Variants in RPL3L observed in about 807,000 individuals in gnomAD.
The protein encoded by RPL3L is ribosomal protein uL3-like.
Under a neutral mutation model 44.5 loss-of-function variants are expected in RPL3L, and 44 were observed. The ratio of observed to expected loss-of-function variants is 0.99; its 90% CI spans 0.78 to 1.27. The LOEUF is 1.27. RPL3L is among the 50% of genes most tolerant of loss of function. The pLI is 0.00. For synonymous variants in RPL3L, 292 were observed against 230.7 expected (o/e 1.27, Z -2.41); for missense variants, 631 against 569.1 (o/e 1.11, Z -1.11).
chr16:1,947,517 C>T, intron 4 of RPL3L, 137 bp from the exon 5 acceptor site: 1 of 1,103,674 alleles, frequency 9.1e-7, no homozygotes, highest in South Asian at 1.7e-5. Flanking sequence ...CAGGTTGCAA[C>T]CCATGTGTTG....
Position 1,944,565 on chromosome 16 carries a change from C to A in RPL3L, c.*272G>T. ...TCTCAAAAAAAAAAAAAAAAAAAAC[C>A]TCTGCTCCGCAAATGCTCAAAGAGA... On this transcript the variant is annotated 3_prime_UTR_variant, in exon 10 of 10. Coordinates refer to ENST00000268661, the MANE Select transcript of RPL3L (RefSeq NM_005061.3). 3.5e-6 allele frequency: 1 copy of A among 288,752 alleles called. No individual in the cohort carries two copies. Among genetic ancestry groups the A allele is most frequent in the Non-Finnish European group, 6.6e-6 (1 of 151,956 alleles). 17.9% of individuals were successfully genotyped at this position (288,752 alleles called of 1,614,324 possible).
intron 4 of RPL3L, 52 bp from the exon 5 acceptor site, chr16:1,947,432 C>A (rs779851897): frequency 6.8e-7 from 1 of 1,471,242 alleles, no homozygotes; most frequent in Non-Finnish European, 9.0e-7. Flanking sequence ...CACACCCCCA[C>A]CTGAAACATG....
In RPL3L at chr16:1,944,589, G is replaced by A. The variant is rs1417647991; in HGVS notation, c.*248C>T. ...CCTCTGCTCCGCAAATGCTCAAAGA[G>A]ATCGATTTGAGTAATAATAAAACAT... On this transcript the variant is annotated 3_prime_UTR_variant, in exon 10 of 10. Coordinates refer to ENST00000268661, the MANE Select transcript of RPL3L (RefSeq NM_005061.3). 1.0e-5 allele frequency: 4 copies of A among 395,554 alleles called. No homozygotes were observed. The highest frequency in any genetic ancestry group is 1.9e-5 in the Non-Finnish European group (4 of 215,642). The allele number at this position is 395,554 out of a possible 1,614,324, so 24.5% of individuals were successfully genotyped here. A position where few individuals can be genotyped will look rare whatever the true frequency, so the allele number is the denominator to read the frequency against.
intron 4 of RPL3L, among the ~76,000 whole-genome samples, chr16:1,949,167 C>T (rs941172396): frequency 2.0e-5 from 3 of 149,016 alleles, no homozygotes; most frequent in Non-Finnish European, 4.4e-5. Context: ...GATGAGGTCT[C>T]GTTAAGTTGC....
At position 1,944,805 on chromosome 16, in the gene RPL3L, G is replaced by A. The variant is rs1203578261; in HGVS notation, c.*32C>T. ...GTTAGACATTGGGGCAGACAGTGCG[G>A]TGCGCTTCAGGGTTCATCCACCCCA... On this transcript the variant is annotated 3_prime_UTR_variant, in exon 10 of 10. Coordinates refer to ENST00000268661, the MANE Select transcript of RPL3L (RefSeq NM_005061.3). The A allele has an allele frequency of 6.2e-7, 1 of 1,613,720 alleles. No individual in the cohort carries two copies. The highest frequency in any genetic ancestry group is 1.1e-5 in the South Asian group (1 of 91,082).
intron 6 of RPL3L, 32 bp downstream of exon 6, chr16:1,946,906 A>G: frequency 6.3e-7 from 1 of 1,580,270 alleles, no homozygotes; most frequent in Non-Finnish European, 8.6e-7. Flanking sequence ...GTCCGACCAC[A>G]CAGTGTCCCC....
chr16:1,950,717 A>C, intron 4 of RPL3L, 127 bp downstream of exon 4: 1 of 1,469,064 alleles, frequency 6.8e-7, no homozygotes, highest in Non-Finnish European at 9.3e-7. Context: ...GAGGCTGGTC[A>C]GCCGCTCCTC....
At chr16:1,949,259 C>CT (rs58248501) in intron 4 of RPL3L, among the ~76,000 whole-genome samples, 3,881 of 75,092 alleles carry the variant, frequency 0.052, 184 homozygotes, top group South Asian at 0.2. Context: ...TTTTTTTTTT[C>CT]TTTTTTTTTT....
chr16:1,944,881 T>C lies in RPL3L; in HGVS notation c.1180A>G (p.Lys394Glu), dbSNP rs1389800050. ...TCCGGCGTTTCCTTCTCCAGATGCT[T>C]CTTTTGGGGGCCCTGGTTGAGAGGG... ...EKRAFMGPQK[K>E]HLEKETPETS... Residue 394 changes from lysine (K) to glutamate (E), a missense_variant, in exon 10 of 10, where the codon AAG becomes GAG. Transcript: ENST00000268661. 6.2e-7 allele frequency: 1 copy of C among 1,613,880 alleles called. No homozygotes were observed. The highest frequency in any genetic ancestry group is 2.2e-5 in the East Asian group (1 of 44,860).
chr16:1,953,120 T>C (rs2150865940), intron 2 of RPL3L, 78 bp from the exon 3 acceptor site: 2 of 1,471,836 alleles, frequency 1.4e-6, no homozygotes, highest in Middle Eastern at 1.8e-4. Context: ...GCCGCCCACA[T>C]AGGGGCAGGA....
intron 2 of RPL3L, 125 bp downstream of exon 2, chr16:1,953,831 C>T (rs2083188252): frequency 2.9e-6 from 3 of 1,046,066 alleles, no homozygotes; most frequent in Non-Finnish European, 3.8e-6. Context: ...ACCCCAATTC[C>T]CGGGGGCGAG....
At chr16:1,949,244 G>GTT (rs1425634978) in intron 4 of RPL3L, among the ~76,000 whole-genome samples, 70 of 81,892 alleles carry the variant, frequency 8.5e-4, no homozygotes, top group Non-Finnish European at 1.1e-3. Flanking sequence ...CCTGATTTTT[G>GTT]TTTTTTTTTT....
Position 1,944,665 on chromosome 16 carries a change from A to G in RPL3L, c.*172T>C. 7.1e-6 allele frequency: 5 copies of G among 702,414 alleles called. No individual in the cohort carries two copies. The highest frequency in any genetic ancestry group is 1.7e-5 in the South Asian group (1 of 57,574). The allele number at this position is 702,414 out of a possible 1,614,324, so 43.5% of individuals were successfully genotyped here. A position where few individuals can be genotyped will look rare whatever the true frequency, so the allele number is the denominator to read the frequency against. On this transcript the variant is annotated 3_prime_UTR_variant, in exon 10 of 10. Transcript: ENST00000268661. ...GCTCTGTGTGAATTACTCTTTCTCT[A>G]TTGCAATTCCCCTGTCTTAATGAAT...
Position 1,945,511 on chromosome 16 carries a change from C to T in RPL3L, c.1155G>A (p.Lys385=). The T allele has an allele frequency of 1.2e-6, 2 of 1,612,644 alleles. No individual in the cohort carries two copies. The highest frequency in any genetic ancestry group is 1.7e-6 in the Non-Finnish European group (2 of 1,179,474). ...GHGRFQTAQE[K]RAFMGPQKKH... ...GCGGTGAGCTCACCATGAAGGCCCTCTTCTCTTGGGCTGTCTGGAAGCGGC... is the reference window on the plus strand; with the variant it reads ...GCGGTGAGCTCACCATGAAGGCCCTTTTCTCTTGGGCTGTCTGGAAGCGGC... The change falls in exon 9 of 10, where the codon AAG becomes AAA. Residue 385 remains lysine, a synonymous_variant. Coordinates refer to ENST00000268661, the MANE Select transcript of RPL3L (RefSeq NM_005061.3).
chr16:1,949,185 G>A (rs1477582095), intron 4 of RPL3L, among the ~76,000 whole-genome samples: 1 of 149,642 alleles, frequency 6.7e-6, no homozygotes, highest in Non-Finnish European at 1.5e-5. Context: ...TGCCCGGGCT[G>A]CCACCTTGTC....
chr16:1,945,149 A>C (rs756647207), intron 9 of RPL3L, among the ~76,000 whole-genome samples: 4 of 151,930 alleles, frequency 2.6e-5, no homozygotes, highest in Non-Finnish European at 5.9e-5. Context: ...AGGTCAGGAG[A>C]TAGAGACCAT....
rs759633216 is a variant in RPL3L at position 1,947,087 on chromosome 16, G to A, written c.700C>T (p.Arg234Cys). 46 of 1,613,506 alleles carry A rather than the reference G, an allele frequency of 2.9e-5. 1 individual carries two copies. The highest frequency in any genetic ancestry group is 8.9e-5 in the East Asian group (4 of 44,888). The change falls in exon 6 of 10, where the codon CGC (arginine) becomes TGC (cysteine). Residue 234 changes from arginine to cysteine, a missense_variant. By Grantham distance (180) the Arg-to-Cys change is radical (BLOSUM62 -3). Transcript: ENST00000268661. ...CGCGGCAGCTTCTTGGTATGCCAGCGGCTTGTGACCCCTGTGAGTGAGAGG... is the reference window on the plus strand; with the variant it reads ...CGCGGCAGCTTCTTGGTATGCCAGCAGCTTGTGACCCCTGTGAGTGAGAGG... ...KGRGVKGVTSRWHTKKLPRKT... is the reference protein window; with the variant it reads ...KGRGVKGVTSCWHTKKLPRKT...
rs765851850 is a variant in RPL3L, at chr16:1,946,691, G to A, written c.885C>T (p.Asp295=). 4.3e-5 allele frequency: 69 copies of A among 1,612,614 alleles called. 1 individual carries two copies. Among genetic ancestry groups the A allele is most frequent in the Middle Eastern group, 1.6e-4 (1 of 6,084 alleles). The part of the protein sequence containing the change: ...FRIGRGPHME[D]GKLVKNNAST... The stretch of plus-strand genomic sequence containing the variant: ...ATGCATTGTTCTTCACCAGCTTCCC[G>A]TCCTCCATGTGCGGGCCCCTGCCGA... The change falls in exon 7 of 10, where the codon GAC becomes GAT. Residue 295 remains aspartate (D), a synonymous_variant. Transcript: ENST00000268661.
At position 1,945,512 on chromosome 16, in the gene RPL3L, T is replaced by C; in HGVS notation, c.1154A>G (p.Lys385Arg). Residue 385 changes from lysine to arginine, a missense_variant, in exon 9 of 10, where the codon AAG becomes AGG. Physicochemically the swap from Lys to Arg is conservative, Grantham distance 26. Transcript: ENST00000268661. ...GHGRFQTAQE[K>R]RAFMGPQKKH... The stretch of plus-strand genomic sequence containing the variant: ...CGGTGAGCTCACCATGAAGGCCCTC[T>C]TCTCTTGGGCTGTCTGGAAGCGGCC... The C allele has an allele frequency of 6.2e-7, 1 of 1,612,702 alleles. No individual in the cohort carries two copies. Among genetic ancestry groups the C allele is most frequent in the Non-Finnish European group, 8.5e-7 (1 of 1,179,484 alleles).
Sources: gnomAD v4.1 joint callset for allele counts (sites outside exome capture counted in the v4.1 genomes callset) on GRCh38, gnomAD v4.1.1 for gene constraint, MANE v1.5 for transcripts, NCBI Gene and HGNC (gene_info 2026-07-23, HGNC 2026-07-21) for gene names.